WIPF1: variants seen among roughly 807,000 people sequenced by gnomAD.
The protein encoded by WIPF1 is WAS/WASL-interacting protein family member 1.
WIPF1 carries 13 observed loss-of-function variants against 35.4 expected under a neutral mutation model. The ratio of observed to expected loss-of-function variants is 0.37; its 90% CI spans 0.24 to 0.58. The LOEUF (loss-of-function observed/expected upper bound fraction) is 0.58. Ranked by LOEUF, WIPF1 falls within the 20% of genes least tolerant of loss-of-function variation. The pLI, the probability that WIPF1 is intolerant of heterozygous loss-of-function variation, is 0.74. For synonymous variants in WIPF1, 267 were observed against 266.3 expected (o/e 1.00, Z -0.02); for missense variants, 591 against 667.0 (o/e 0.89, Z 1.25).
chr2:174,598,899 G>T (rs1442618324), upstream of WIPF1, among the ~76,000 whole-genome samples: 1 of 152,136 alleles, frequency 6.6e-6, no homozygotes, highest in Non-Finnish European at 1.5e-5. Context: ...TGTATAGAAC[G>T]ATCTGAAAAT....
In WIPF1 at chr2:174,622,850, C is replaced by G. The variant is rs554834799; in HGVS notation, c.-38-37239G>C. Among the ~76,000 whole-genome samples the G allele has an allele frequency of 2.0e-5, 3 of 152,288 alleles. No individual in the cohort carries two copies. The South Asian group carries it at 6.2e-4, about 32-fold the overall frequency. ...AGAGCTGCCAAGTCTGGGATTTGAG[C>G]TTTTACCTATAAACATCACAAGGCA... is the stretch of plus-strand genomic sequence containing the variant. On this transcript the variant is annotated intron_variant, in intron 1 of 8. Transcript: ENST00000272746. The surrounding 1 kb of genome is among the most constrained non-coding windows in gnomAD (Gnocchi z 5.1).
chr2:174,625,947 C>A (rs1331211106), intron 1 of WIPF1: 3 of 152,116 alleles, frequency 2.0e-5, no homozygotes, highest in Non-Finnish European at 4.4e-5. Context: ...GGAGGGCCAG[C>A]GGTATCTCCT....
Position 174,609,930 on chromosome 2 carries a change from G to A in WIPF1, c.-38-24319C>T, listed in dbSNP as rs1193008325. ...TTGTTACCAAACATATCACAGAGGC[G>A]TGGGTGATTCTTTCTCCTGTTTCTC... is the stretch of plus-strand genomic sequence containing the variant. On this transcript the variant is annotated intron_variant, in intron 1 of 8. Transcript: ENST00000272746. 4.6e-5 allele frequency among the ~76,000 whole-genome samples: 7 copies of A among 152,180 alleles called. No individual in the cohort carries two copies. In the East Asian group the frequency reaches 5.8e-4, roughly 13 times the overall value.
chr2:174,636,578 C>T (rs926031199), intron 1 of WIPF1, among the ~76,000 whole-genome samples: 1 of 152,144 alleles, frequency 6.6e-6, no homozygotes, highest in Non-Finnish European at 1.5e-5. Flanking sequence ...TAGTTCTTAC[C>T]TGCTGTCCTT....
At chr2:174,646,200 A>G (rs1687406460) in intron 1 of WIPF1, among the ~76,000 whole-genome samples, 1 of 152,222 alleles carries the variant, frequency 6.6e-6, no homozygotes, top group African/African-American at 2.4e-5. Flanking sequence ...TTCCTCACAT[A>G]TATGTAACAC....
chr2:174,577,544 T>C (rs1336802385), intron 3 of WIPF1, among the ~76,000 whole-genome samples: 1 of 152,222 alleles, frequency 6.6e-6, no homozygotes, highest in African/African-American at 2.4e-5. Flanking sequence ...TATTATAGCA[T>C]GAAATTTTAT....
At chr2:174,632,539 G>A (rs1274902856) in intron 1 of WIPF1, among the ~76,000 whole-genome samples, 3 of 151,750 alleles carry the variant, frequency 2.0e-5, no homozygotes, top group Admixed American at 6.6e-5. Context: ...GTGAAACCCC[G>A]TATCTACTAA....
At position 174,592,701 on chromosome 2, in the gene WIPF1, G is replaced by A. The variant is rs1366193412; in HGVS notation, c.-39+4900C>T. 2.0e-5 allele frequency among the ~76,000 whole-genome samples: 3 copies of A among 150,982 alleles called. No homozygotes were observed. In the East Asian group the frequency reaches 5.8e-4, roughly 29 times the overall value. On this transcript the variant is annotated intron_variant, in intron 1 of 7. Transcript: ENST00000679041. Reference sequence around the variant, plus strand: ...GCTCACTGCAACCTCCACCTCCTGGGTTCAAACAATTCTCCTGCCTCAGCC... The same window carrying A: ...GCTCACTGCAACCTCCACCTCCTGGATTCAAACAATTCTCCTGCCTCAGCC...
intron 7 of WIPF1, among the ~76,000 whole-genome samples, chr2:174,564,961 C>T (rs1266814178): frequency 6.6e-6 from 1 of 151,120 alleles, no homozygotes; most frequent in African/African-American, 2.4e-5. Context: ...GCAATGGCGA[C>T]TTCTGCTCAC....
intron 1 of WIPF1, among the ~76,000 whole-genome samples, chr2:174,594,292 C>CT (rs1285042719): frequency 2.6e-5 from 4 of 152,164 alleles, no homozygotes; most frequent in African/African-American, 4.8e-5. Flanking sequence ...TGAAGCATCT[C>CT]GAACATCACT....
chr2:174,585,535 C>A lies in WIPF1; in HGVS notation c.39G>T (p.Pro13=). Residue 13 remains proline, a synonymous_variant, in exon 2 of 8, where the codon CCG becomes CCT. Transcript: ENST00000679041. The part of the protein sequence containing the change: ...VPPPPAPPPP[P]TFALANTEKP... ...AGGAGACACTCACCAGTGCAAACGT[C>A]GGGGGCGGCGGGGGTGCTGGAGGGG... 2 of 394,106 alleles carry A rather than the reference C, an allele frequency of 5.1e-6. No individual in the cohort carries two copies. Among genetic ancestry groups the A allele is most frequent in the Non-Finnish European group, 8.2e-6 (2 of 243,752 alleles). 24.4% of individuals were successfully genotyped at this position (394,106 alleles called of 1,614,324 possible).
intron 1 of WIPF1, among the ~76,000 whole-genome samples, chr2:174,659,725 C>T (rs866579733): frequency 6.6e-6 from 1 of 152,224 alleles, no homozygotes; most frequent in South Asian, 2.1e-4. Context: ...TCATTGAGCA[C>T]CTTTCCACTG....
At chr2:174,598,911 CTCA>C (rs1299861894), upstream of WIPF1, among the ~76,000 whole-genome samples, 3 of 152,152 alleles carry the variant, frequency 2.0e-5, no homozygotes, top group Non-Finnish European at 4.4e-5. Context: ...TCTGAAAATG[CTCA>C]TAATTTTTTC....
chr2:174,562,379 T>G lies in WIPF1; in HGVS notation c.*168A>C. ...AATAAACACAATATGAAAAGCTAGGTGCATTTCTTACCGATTCCCACCCAC... is the reference window on the plus strand; with the variant it reads ...AATAAACACAATATGAAAAGCTAGGGGCATTTCTTACCGATTCCCACCCAC... On this transcript the variant is annotated 3_prime_UTR_variant, in exon 8 of 8. Transcript: ENST00000679041. 1 of 1,488,730 alleles carries G rather than the reference T, an allele frequency of 6.7e-7. No homozygotes were observed. Among genetic ancestry groups the G allele is most frequent in the Non-Finnish European group, 8.9e-7 (1 of 1,117,562 alleles). The allele number at this position is 1,488,730 out of a possible 1,614,324, so 92.2% of individuals were successfully genotyped here.
intron 1 of WIPF1, 25 bp from the exon 2 acceptor site, chr2:174,585,636 G>A (rs999222413): frequency 1.3e-6 from 2 of 1,488,594 alleles, no homozygotes; most frequent in South Asian, 1.2e-5. Flanking sequence ...ATGCGATCAT[G>A]TATTAGATGT....
At chr2:174,662,222 C>T (rs193218130) in intron 1 of WIPF1, among the ~76,000 whole-genome samples, 23 of 152,270 alleles carry the variant, frequency 1.5e-4, no homozygotes, top group East Asian at 3.9e-4. Context: ...GCTATGAAAA[C>T]GGTTGTTATA....
chr2:174,667,978 T>C (rs912964580), intron 1 of WIPF1, among the ~76,000 whole-genome samples: 1 of 152,150 alleles, frequency 6.6e-6, no homozygotes, highest in Non-Finnish European at 1.5e-5. Context: ...GCAGGGGCTG[T>C]GCAGTGCAAA....
intron 1 of WIPF1, among the ~76,000 whole-genome samples, chr2:174,670,649 A>C (rs1351772465): frequency 6.6e-6 from 1 of 152,228 alleles, no homozygotes. Flanking sequence ...GCTGCCATCT[A>C]GCATGGTCTG....
chr2:174,562,463 G>A lies in WIPF1; in HGVS notation c.*84C>T. ...CTCCTGCCCATACATGAGGCACAAG[G>A]GAAGAAGCAGGGAGGAGGGTATGCA... On this transcript the variant is annotated 3_prime_UTR_variant, in exon 8 of 8. Transcript: ENST00000679041. The A allele has an allele frequency of 1.9e-6, 3 of 1,603,424 alleles. No individual in the cohort carries two copies. The highest frequency in any genetic ancestry group is 2.6e-6 in the Non-Finnish European group (3 of 1,174,690).
Sources: gnomAD v4.1 joint callset for allele counts (sites outside exome capture counted in the v4.1 genomes callset) on GRCh38, gnomAD v4.1.1 for gene constraint, Gnocchi (gnomAD v3.1) non-coding constraint, MANE v1.5 for transcripts, NCBI Gene and HGNC (gene_info 2026-07-23, HGNC 2026-07-21) for gene names.